Variants in MME observed in about 807,000 individuals in gnomAD.
MME encodes the protein membrane metalloendopeptidase.
Under a neutral mutation model 113.2 loss-of-function variants are expected in MME, and 98 were observed. The ratio of observed to expected loss-of-function variants is 0.87; its 90% confidence interval spans 0.74 to 1.02. The LOEUF is 1.02. Among genes scored for constraint, MME ranks in the 50% least tolerant of loss-of-function variants. MME has a pLI of 0.00. For missense variants in MME, 836 were observed against 896.0 expected (o/e 0.93, Z 0.86); for synonymous variants, 292 against 300.6 (o/e 0.97, Z 0.30).
At chr3:155,061,997 G>C (rs1576677026) in intron 1 of MME, among the ~76,000 whole-genome samples, 2 of 151,980 alleles carry the variant, frequency 1.3e-5, no homozygotes, top group Admixed American at 1.3e-4. Flanking sequence ...CATTTTCTAG[G>C]TACATATCAT....
At chr3:155,124,587 A>C (rs968124671) in intron 8 of MME, among the ~76,000 whole-genome samples, 7 of 151,944 alleles carry the variant, frequency 4.6e-5, no homozygotes, top group Admixed American at 4.6e-4. Flanking sequence ...TGATGTACAG[A>C]TGGGTTTTTG....
intron 3 of MME, among the ~76,000 whole-genome samples, chr3:155,102,540 A>G (rs1339927046): frequency 2.6e-5 from 4 of 152,192 alleles, no homozygotes; most frequent in Non-Finnish European, 4.4e-5. Flanking sequence ...TCATGGAAAG[A>G]ACTTGCTCTC....
chr3:155,028,290 A>C (rs1712853025), intron 1 of MME, among the ~76,000 whole-genome samples: 1 of 152,226 alleles, frequency 6.6e-6, no homozygotes. Context: ...TTAATGTGGC[A>C]CAACCTAATT....
At chr3:155,132,561 G>A (rs1349573053) in intron 8 of MME, among the ~76,000 whole-genome samples, 2 of 151,930 alleles carry the variant, frequency 1.3e-5, no homozygotes, top group Non-Finnish European at 2.9e-5. Context: ...CTACATAAAT[G>A]TTTTGGTGGA....
chr3:155,043,849 C>T (rs1214787404), intron 1 of MME, among the ~76,000 whole-genome samples: 1 of 152,000 alleles, frequency 6.6e-6, no homozygotes, highest in Admixed American at 6.6e-5. Context: ...CCTTGCTATA[C>T]TTACATGTTT....
chr3:155,068,411 T>C (rs2108142339), intron 1 of MME, among the ~76,000 whole-genome samples: 2 of 152,350 alleles, frequency 1.3e-5, no homozygotes, highest in Middle Eastern at 3.4e-3. Context: ...TCACATTTTA[T>C]TAAATTATAC....
chr3:155,103,760 C>G (rs1717458523), intron 3 of MME, among the ~76,000 whole-genome samples: 1 of 152,184 alleles, frequency 6.6e-6, no homozygotes, highest in Non-Finnish European at 1.5e-5. Context: ...TTCTTCTTCT[C>G]TTGAACACCA....
intron 3 of MME, among the ~76,000 whole-genome samples, chr3:155,099,921 G>A (rs1009824452): frequency 1.3e-5 from 2 of 152,126 alleles, no homozygotes; most frequent in African/African-American, 2.4e-5. Context: ...CCCAGTAATG[G>A]GATGGCTGGG....
chr3:155,055,651 G>C (rs1713899657), intron 1 of MME, among the ~76,000 whole-genome samples: 1 of 151,706 alleles, frequency 6.6e-6, no homozygotes, highest in African/African-American at 2.4e-5. Context: ...TTCAAAACCA[G>C]GCAGAACTAA....
chr3:155,088,829 C>T (rs1394580234), intron 3 of MME, among the ~76,000 whole-genome samples: 1 of 152,084 alleles, frequency 6.6e-6, no homozygotes, highest in Non-Finnish European at 1.5e-5. Flanking sequence ...ATGGGAAAAG[C>T]AAGTATTGAC....
At chr3:155,084,096 C>A in intron 1 of MME, 62 bp from the exon 2 acceptor site, 1 of 1,311,630 alleles carries the variant, frequency 7.6e-7, no homozygotes, top group Non-Finnish European at 1.1e-6. Flanking sequence ...CCACATTAAG[C>A]ATTTGGACAT....
chr3:155,108,918 G>A (rs1325750870), intron 3 of MME, among the ~76,000 whole-genome samples: 1 of 152,154 alleles, frequency 6.6e-6, no homozygotes, highest in Non-Finnish European at 1.5e-5. Context: ...GGGAGATCTT[G>A]TGGCTTGGAG....
At chr3:155,024,600 T>C (rs1043647195) in intron 1 of MME, among the ~76,000 whole-genome samples, 3 of 152,210 alleles carry the variant, frequency 2.0e-5, no homozygotes, top group Admixed American at 1.3e-4. Context: ...CTTAACTTTA[T>C]ATATTGATAT....
At position 155,182,372 on chromosome 3, in the gene MME, T is replaced by C. The variant is rs200741368; in HGVS notation, c.*1913T>C. 2.0e-5 allele frequency: 3 copies of C among 152,212 alleles called. No homozygotes were observed. The highest frequency in any genetic ancestry group is 2.9e-5 in the Non-Finnish European group (2 of 68,040). The allele number at this position is 152,212 out of a possible 1,614,324, so 9.4% of individuals were successfully genotyped here. On this transcript the variant is annotated 3_prime_UTR_variant, in exon 23 of 23. Transcript: ENST00000360490. ...CTATTACAAATAGTGCAACTATGAATGTACTGCATGTTACCATCTTACTTG... is the reference window on the plus strand; with the variant it reads ...CTATTACAAATAGTGCAACTATGAACGTACTGCATGTTACCATCTTACTTG...
intron 3 of MME, chr3:155,112,876 C>T (rs1211036530): frequency 1.3e-5 from 2 of 152,094 alleles, no homozygotes; most frequent in Non-Finnish European, 2.9e-5. Context: ...CTAGGTGATA[C>T]AAAGAGATTA....
At chr3:155,127,530 G>A (rs925613852) in intron 8 of MME, among the ~76,000 whole-genome samples, 2 of 152,224 alleles carry the variant, frequency 1.3e-5, no homozygotes, top group Admixed American at 6.5e-5. Context: ...ATGTAGTCTT[G>A]AGCAGTGGCC....
intron 1 of MME, among the ~76,000 whole-genome samples, chr3:155,052,095 A>T (rs1042270812): frequency 5.9e-5 from 9 of 152,166 alleles, no homozygotes; most frequent in Non-Finnish European, 1.3e-4. Context: ...TCCACATCTC[A>T]TATCCAGGTC....
chr3:155,063,041 A>C (rs1714205241), intron 1 of MME, among the ~76,000 whole-genome samples: 1 of 147,308 alleles, frequency 6.8e-6, no homozygotes, highest in Non-Finnish European at 1.5e-5. Context: ...TCAAAAAAAA[A>C]AAAAAAAAGA....
intron 1 of MME, 132 bp from the exon 2 acceptor site, chr3:155,084,026 T>G: frequency 1.1e-6 from 1 of 877,318 alleles, no homozygotes; most frequent in Non-Finnish European, 1.8e-6. Context: ...AAATTTTGAC[T>G]TCTCAACAGC....
Sources: allele counts gnomAD v4.1 joint callset (sites outside exome capture counted in the v4.1 genomes callset), GRCh38; gene constraint gnomAD v4.1.1; transcripts MANE v1.5; gene names NCBI Gene and HGNC (gene_info 2026-07-23, HGNC 2026-07-21).